The following ANO5 variants were observed in gnomAD, a reference collection of about 807,000 sequenced individuals.
ANO5 encodes anoctamin-5.
ANO5 carries 109 observed loss-of-function variants against 121.0 expected under a neutral mutation model. That is an observed-to-expected ratio of 0.90 (90% CI 0.77 to 1.06). The LOEUF is 1.06. Ranked by LOEUF, ANO5 falls within the 50% of genes least tolerant of loss-of-function variation. ANO5 has a pLI of 0.00. For synonymous variants in ANO5, 406 were observed against 359.9 expected, an observed-to-expected ratio of 1.13 and a Z score of -1.45; for missense variants, 1,064 against 1,078.5, an observed-to-expected ratio of 0.99 and a Z score of 0.19.
At chr11:22,213,261 A>G (rs1282091749) in intron 3 of ANO5, among the ~76,000 whole-genome samples, 5 of 151,882 alleles carry the variant, frequency 3.3e-5, no homozygotes, top group Non-Finnish European at 7.4e-5. Flanking sequence ...TTCCCCTAAG[A>G]TCCTTTTCCT....
chr11:22,275,928 T>C (rs531756056), intron 20 of ANO5, among the ~76,000 whole-genome samples, 166 bp from the exon 21 acceptor site: 1 of 151,988 alleles, frequency 6.6e-6, no homozygotes, highest in Admixed American at 6.6e-5. Context: ...CCTGACTTTA[T>C]GTGAACAAGA....
At chr11:22,223,581 G>A (rs1453804645) in intron 5 of ANO5, among the ~76,000 whole-genome samples, 1 of 152,012 alleles carries the variant, frequency 6.6e-6, no homozygotes, top group African/African-American at 2.4e-5. Flanking sequence ...TATCAGTTCT[G>A]GGAGTGGAGG....
At chr11:22,259,496 A>G (rs771152592) in intron 14 of ANO5, 23 bp from the exon 15 acceptor site, 35 of 1,587,856 alleles carry the variant, frequency 2.2e-5, no homozygotes, top group Non-Finnish European at 2.9e-5. Flanking sequence ...CCCAAATAGC[A>G]GTTCTTTGTT....
chr11:22,209,533 T>C (rs1388852386), intron 2 of ANO5, among the ~76,000 whole-genome samples: 1 of 151,912 alleles, frequency 6.6e-6, no homozygotes, highest in East Asian at 1.9e-4. Flanking sequence ...ATGTCTCCTA[T>C]GTTTTGGAGC....
Position 22,281,913 on chromosome 11 carries a change from G to T in ANO5, c.*2148G>T, listed in dbSNP as rs1855094998. 1 of 151,976 alleles carries T rather than the reference G, an allele frequency of 6.6e-6. No individual in the cohort carries two copies. Among genetic ancestry groups the T allele is most frequent in the Non-Finnish European group, 1.5e-5 (1 of 67,936 alleles). 9.4% of individuals were successfully genotyped at this position (151,976 alleles called of 1,614,324 possible). The stretch of plus-strand genomic sequence containing the variant: ...AAATATTTTCCTTTTAAAATGTTAT[G>T]GACTGATATTTTTTATTCACCTTTA... On this transcript the variant is annotated 3_prime_UTR_variant, in exon 22 of 22. Coordinates refer to ENST00000324559, the MANE Select transcript of ANO5 (RefSeq NM_213599.3).
At chr11:22,241,849 T>A (rs1001572584) in intron 9 of ANO5, among the ~76,000 whole-genome samples, 2 of 152,034 alleles carry the variant, frequency 1.3e-5, no homozygotes, top group African/African-American at 4.8e-5. Flanking sequence ...TTGTCTACTC[T>A]ATTGATACTT....
intron 12 of ANO5, among the ~76,000 whole-genome samples, chr11:22,251,917 C>T (rs1853830032): frequency 1.3e-5 from 2 of 150,078 alleles, no homozygotes; most frequent in Non-Finnish European, 3.0e-5. Context: ...GTAGTTCCAG[C>T]TACTTGGGAG....
upstream of ANO5, chr11:22,192,935 G>T: frequency 1.0e-6 from 1 of 973,368 alleles, no homozygotes; most frequent in Non-Finnish European, 1.2e-6. Flanking sequence ...AGAGGAGGGG[G>T]CCAGCGTGGA....
At chr11:22,233,150 C>A (rs1417315175) in intron 7 of ANO5, among the ~76,000 whole-genome samples, 1 of 151,634 alleles carries the variant, frequency 6.6e-6, no homozygotes, top group Non-Finnish European at 1.5e-5. Flanking sequence ...GAAGTAGTTA[C>A]AGCATGGAGC....
At chr11:22,211,171 A>G in intron 2 of ANO5, 93 bp from the exon 3 acceptor site, 1 of 1,286,778 alleles carries the variant, frequency 7.8e-7, no homozygotes. Context: ...GTTTCTGCAT[A>G]GAGATTACAG....
chr11:22,239,284 A>G (rs1229068505), intron 8 of ANO5, among the ~76,000 whole-genome samples: 4 of 152,122 alleles, frequency 2.6e-5, no homozygotes, highest in Non-Finnish European at 5.9e-5. Flanking sequence ...CGTGAATATT[A>G]TATTAGGATT....
chr11:22,234,032 G>A (rs1246405465), intron 7 of ANO5, among the ~76,000 whole-genome samples: 2 of 152,050 alleles, frequency 1.3e-5, no homozygotes, highest in East Asian at 1.9e-4. Flanking sequence ...AAATTCTTAA[G>A]GATCTTGATC....
At chr11:22,219,545 G>C (rs1852571290) in intron 4 of ANO5, among the ~76,000 whole-genome samples, 2 of 88,390 alleles carry the variant, frequency 2.3e-5, no homozygotes, top group Admixed American at 1.1e-4. Context: ...CTTAGAGAAA[G>C]AGGACTATTT....
In ANO5 at chr11:22,193,118, C is replaced by A; in HGVS notation, c.-375C>A. ...TCCTGGCGAGCACCGGGAGGAGTGG[C>A]GGCTGCGGGATCAGCTGCCGAGCAG... On this transcript the variant is annotated 5_prime_UTR_variant, in exon 1 of 22. Transcript: ENST00000324559. The A allele has an allele frequency of 9.1e-7, 1 of 1,098,784 alleles. No individual in the cohort carries two copies. The highest frequency in any genetic ancestry group is 1.1e-6 in the Non-Finnish European group (1 of 896,766). The allele number at this position is 1,098,784 out of a possible 1,614,324, so 68.1% of individuals were successfully genotyped here.
chr11:22,241,091 A>G (rs1853414454), intron 9 of ANO5, among the ~76,000 whole-genome samples: 1 of 151,728 alleles, frequency 6.6e-6, no homozygotes, highest in Non-Finnish European at 1.5e-5. Context: ...GGTATATTGC[A>G]CGATGCTGAG....
chr11:22,231,824 G>A (rs1337226275), intron 7 of ANO5, among the ~76,000 whole-genome samples: 1 of 151,878 alleles, frequency 6.6e-6, no homozygotes, highest in African/African-American at 2.4e-5. Flanking sequence ...ACAATATATG[G>A]GAGTACTTGG....
chr11:22,211,995 CTTT>C (rs5790243), intron 3 of ANO5, among the ~76,000 whole-genome samples: 15 of 149,200 alleles, frequency 1.0e-4, no homozygotes, highest in African/African-American at 3.4e-4. Context: ...TTTATTTTTA[CTTT>C]TTTTTTTTTA....
intron 17 of ANO5, among the ~76,000 whole-genome samples, chr11:22,264,400 C>T (rs1321276256): frequency 6.6e-6 from 1 of 150,772 alleles, no homozygotes; most frequent in Non-Finnish European, 1.5e-5. Context: ...CTAAACCAAA[C>T]AGAAGATGGG....
chr11:22,226,965 T>C (rs552697435), intron 6 of ANO5, among the ~76,000 whole-genome samples: 12 of 152,198 alleles, frequency 7.9e-5, no homozygotes, highest in African/African-American at 2.9e-4. Context: ...ACTTAAGAAA[T>C]TGCCCAGAAC....
Sources: gnomAD v4.1 joint callset for allele counts (sites outside exome capture counted in the v4.1 genomes callset) on GRCh38, gnomAD v4.1.1 for gene constraint, MANE v1.5 for transcripts, NCBI Gene and HGNC (gene_info 2026-07-23, HGNC 2026-07-21) for gene names.